The following WBP1L variants were observed in gnomAD, a reference collection of about 807,000 sequenced individuals.
WBP1L encodes the protein WW domain binding protein 1 like.
A neutral mutation model predicts 33.7 loss-of-function variants in WBP1L; 17 were observed. That is an observed-to-expected ratio of 0.50 (90% CI 0.34 to 0.76). The LOEUF (loss-of-function observed/expected upper bound fraction) is 0.76, where lower values mean the gene tolerates loss of function less well. WBP1L is among the 30% of genes least tolerant of loss of function. The probability of loss-of-function intolerance (pLI) is 0.01; values close to 1 mark genes in which losing one functional copy is unlikely to be tolerated. For synonymous variants in WBP1L, 173 were observed against 190.8 expected (o/e 0.91, Z 0.77); for missense variants, 389 against 469.4 (o/e 0.83, Z 1.58).
chr10:102,790,237 C>T (rs1000665086), intron 1 of WBP1L, among the ~76,000 whole-genome samples: 1 of 152,110 alleles, frequency 6.6e-6, no homozygotes, highest in African/African-American at 2.4e-5. Flanking sequence ...GGTCTCCTCT[C>T]TGTGTGACCC....
chr10:102,766,296 G>T (rs1276762781), intron 1 of WBP1L, among the ~76,000 whole-genome samples: 1 of 151,932 alleles, frequency 6.6e-6, no homozygotes, highest in Non-Finnish European at 1.5e-5. Context: ...ACAAAAATTA[G>T]CTGGGCATGG....
chr10:102,807,817 C>A (rs763666764), intron 2 of WBP1L, among the ~76,000 whole-genome samples: 1 of 151,338 alleles, frequency 6.6e-6, no homozygotes, highest in Non-Finnish European at 1.5e-5. Context: ...CATTGTATAG[C>A]CATATTCCTA....
intron 1 of WBP1L, among the ~76,000 whole-genome samples, chr10:102,751,432 T>C (rs541631453): frequency 5.9e-5 from 9 of 151,394 alleles, no homozygotes; most frequent in African/African-American, 2.2e-4. Flanking sequence ...ATCTCAGCCC[T>C]CCTAGTAGCT....
At chr10:102,771,758 A>T (rs1843188940) in intron 1 of WBP1L, among the ~76,000 whole-genome samples, 1 of 151,360 alleles carries the variant, frequency 6.6e-6, no homozygotes, top group Non-Finnish European at 1.5e-5. Context: ...CAGTGAGCCA[A>T]GATCGTGCCA....
rs552532260 is a variant in WBP1L at position 102,815,656 on chromosome 10, T to A, written c.*2325T>A. The A allele has an allele frequency of 1.9e-4, 16 of 86,154 alleles. No homozygotes were observed. Among genetic ancestry groups the A allele is most frequent in the African/African-American group, 5.6e-4 (15 of 27,020 alleles). 5.3% of individuals were successfully genotyped at this position (86,154 alleles called of 1,614,324 possible). A position where few individuals can be genotyped will look rare whatever the true frequency, so the allele number is the denominator to read the frequency against. ...CCCCTCAGATGCCTTTCCTTCCACC[T>A]TTTTTTATTTTTTAAGAATCCCAAA... is the stretch of plus-strand genomic sequence containing the variant. On this transcript the variant is annotated 3_prime_UTR_variant, in exon 4 of 4. Transcript: ENST00000448841.
At chr10:102,772,379 G>A (rs1843200874) in intron 1 of WBP1L, among the ~76,000 whole-genome samples, 1 of 147,838 alleles carries the variant, frequency 6.8e-6, no homozygotes, top group African/African-American at 2.5e-5. Flanking sequence ...TCCTGCTTCA[G>A]TCTCTCAAGT....
At position 102,815,479 on chromosome 10, in the gene WBP1L, A is replaced by G. The variant is rs1843924789; in HGVS notation, c.*2148A>G. 1 of 152,318 alleles carries G rather than the reference A, an allele frequency of 6.6e-6. No individual in the cohort carries two copies. The highest frequency in any genetic ancestry group is 1.5e-5 in the Non-Finnish European group (1 of 68,060). 9.4% of individuals were successfully genotyped at this position (152,318 alleles called of 1,614,324 possible). A position where few individuals can be genotyped will look rare whatever the true frequency, so the allele number is the denominator to read the frequency against. On this transcript the variant is annotated 3_prime_UTR_variant, in exon 4 of 4. Transcript: ENST00000448841. ...ACTGGGTCTTCAATGACAGGCTTGG[A>G]CTAGCTGTGGCCCAGACATCGGCCC...
chr10:102,744,925 A>G (rs1842846769), intron 1 of WBP1L, among the ~76,000 whole-genome samples: 1 of 152,218 alleles, frequency 6.6e-6, no homozygotes, highest in Non-Finnish European at 1.5e-5. Flanking sequence ...TTATCCAGGC[A>G]GAGAAGCTTG....
At position 102,812,874 on chromosome 10, in the gene WBP1L, C is replaced by G; in HGVS notation, c.635C>G (p.Ala212Gly). ...CCAGTTGACCGAGCAGCCACCAAAG[C>G]CCCAGGGATGGAGCCCAGTGGCTCT... ...DLPVDRAATK[A>G]PGMEPSGSVA... The change falls in exon 4 of 4, where the codon GCC becomes GGC. Residue 212 changes from alanine (A) to glycine (G), a missense_variant. By Grantham distance (60) the Ala-to-Gly change is moderately conservative. Transcript: ENST00000448841. 6.4e-7 allele frequency: 1 copy of G among 1,572,878 alleles called. No homozygotes were observed. The highest frequency in any genetic ancestry group is 8.6e-7 in the Non-Finnish European group (1 of 1,157,708).
chr10:102,781,366 C>A (rs1328420281), intron 1 of WBP1L, among the ~76,000 whole-genome samples: 1 of 152,170 alleles, frequency 6.6e-6, no homozygotes. Context: ...CCACAGCGGC[C>A]ACCCATGAGG....
rs1322111671 is a variant in WBP1L at position 102,812,751 on chromosome 10, C to T, written c.512C>T (p.Thr171Ile). 2 of 1,613,464 alleles carry T rather than the reference C, an allele frequency of 1.2e-6. No individual in the cohort carries two copies. The highest frequency in any genetic ancestry group is 1.7e-6 in the Non-Finnish European group (2 of 1,179,750). ...AGGSPPGIDP[T>I]RGSQGAQSSP... ...GGCAGTCCCCCGGGCATCGATCCCA[C>T]CAGGGGATCCCAGGGGGCACAGAGC... Residue 171 changes from threonine to isoleucine, a missense_variant, in exon 4 of 4, where the codon ACC (threonine) becomes ATC (isoleucine). Thr to Ile is a moderately conservative substitution (Grantham distance 89, BLOSUM62 -1). Transcript: ENST00000448841.
intron 1 of WBP1L, among the ~76,000 whole-genome samples, chr10:102,764,817 G>A (rs964427115): frequency 6.6e-6 from 1 of 152,182 alleles, no homozygotes; most frequent in Non-Finnish European, 1.5e-5. Flanking sequence ...GAAAGGCACG[G>A]TGCCATGAGC....
chr10:102,757,294 T>G (rs190220627), intron 1 of WBP1L, among the ~76,000 whole-genome samples: 1 of 152,312 alleles, frequency 6.6e-6, no homozygotes, highest in Non-Finnish European at 1.5e-5. Flanking sequence ...GTAGCTGGGA[T>G]TACAGGCACA....
At chr10:102,747,454 A>G (rs1842877328) in intron 1 of WBP1L, among the ~76,000 whole-genome samples, 1 of 151,546 alleles carries the variant, frequency 6.6e-6, no homozygotes, top group Non-Finnish European at 1.5e-5. Flanking sequence ...CAGTTAAATT[A>G]TCATTGAGAT....
chr10:102,787,938 G>A (rs1048193549), intron 1 of WBP1L, among the ~76,000 whole-genome samples: 1 of 151,388 alleles, frequency 6.6e-6, no homozygotes, highest in Non-Finnish European at 1.5e-5. Context: ...AATTAGCTGG[G>A]CGTGGTGGTG....
intron 1 of WBP1L, among the ~76,000 whole-genome samples, chr10:102,748,542 A>T (rs1590163627): frequency 6.6e-6 from 1 of 152,202 alleles, no homozygotes; most frequent in African/African-American, 2.4e-5. Context: ...TTGATGTACC[A>T]AAGTGTAAAA....
chr10:102,785,869 G>T (rs893152755), intron 1 of WBP1L, among the ~76,000 whole-genome samples: 3 of 152,214 alleles, frequency 2.0e-5, no homozygotes, highest in Non-Finnish European at 4.4e-5. Flanking sequence ...GTGTCCAGGG[G>T]TGAAAGAGTG....
In WBP1L at chr10:102,816,210, A is replaced by G. The variant is rs1192976615; in HGVS notation, c.*2879A>G. The G allele has an allele frequency of 6.5e-6, 1 of 152,672 alleles. No homozygotes were observed. The highest frequency in any genetic ancestry group is 1.5e-5 in the Non-Finnish European group (1 of 68,036). 9.5% of individuals were successfully genotyped at this position (152,672 alleles called of 1,614,324 possible). On this transcript the variant is annotated 3_prime_UTR_variant, in exon 4 of 4. Coordinates refer to ENST00000448841, the MANE Select transcript of WBP1L (RefSeq NM_001083913.2). ...TTCCTGTGCTGTGATTGTTCTGAAG[A>G]CAGAGTGGCTCTAACCACTGTGAGA...
chr10:102,773,461 A>T (rs1462907078), intron 1 of WBP1L, among the ~76,000 whole-genome samples: 1 of 152,226 alleles, frequency 6.6e-6, no homozygotes, highest in Non-Finnish European at 1.5e-5. Flanking sequence ...TCATAAAAGG[A>T]TGATTCATTA....
Sources: gnomAD v4.1 joint callset for allele counts (sites outside exome capture counted in the v4.1 genomes callset) on GRCh38, gnomAD v4.1.1 for gene constraint, MANE v1.5 for transcripts, NCBI Gene and HGNC (gene_info 2026-07-23, HGNC 2026-07-21) for gene names.